Variants in RCAN3 observed in about 807,000 individuals in gnomAD.
RCAN3 encodes calcipressin-3.
A neutral mutation model predicts 21.9 loss-of-function variants in RCAN3; 19 were observed. The observed-to-expected ratio is 0.87, with a 90% CI of 0.61 to 1.27. The LOEUF is 1.27. Among genes scored for constraint, RCAN3 ranks in the 50% most tolerant of loss-of-function variants. The pLI is 0.00. For synonymous variants in RCAN3, 114 were observed against 112.3 expected, an observed-to-expected ratio of 1.01 and a Z score of -0.09; for missense variants, 240 against 300.1, an observed-to-expected ratio of 0.80 and a Z score of 1.48.
At chr1:24,511,279 C>T (rs939550650) in intron 1 of RCAN3, among the ~76,000 whole-genome samples, 4 of 152,162 alleles carry the variant, frequency 2.6e-5, no homozygotes, top group East Asian at 1.9e-4. Flanking sequence ...CACCACTGCA[C>T]TCCAGCCTGG....
In RCAN3 at chr1:24,525,941, A is replaced by C. The variant is rs1327265940; in HGVS notation, c.196-5277A>C. ...GGTTTTGCCTCCAAGTTAATTCTTC[A>C]TGCTTCCAAAGCACCTCACAGCTAG... On this transcript the variant is annotated intron_variant, in intron 2 of 4. Coordinates refer to ENST00000374395, the MANE Select transcript of RCAN3 (RefSeq NM_013441.4). This position sits in a 1 kb window ranked among gnomAD's most constrained non-coding sequence, Gnocchi z 4.1. 6.6e-6 allele frequency among the ~76,000 whole-genome samples: 1 copy of C among 152,134 alleles called. No homozygotes were observed. Among genetic ancestry groups the C allele is most frequent in the African/African-American group, 2.4e-5 (1 of 41,420 alleles).
In RCAN3 at chr1:24,535,074, A is replaced by G; in HGVS notation, c.542-19A>G. 1 of 1,589,746 alleles carries G rather than the reference A, an allele frequency of 6.3e-7. No homozygotes were observed. Among genetic ancestry groups the G allele is most frequent in the East Asian group, 2.3e-5 (1 of 43,264 alleles). Reference sequence around the variant, plus strand: ...TGGAAGTGATGCTTTTGTCATGGTTATTTTGTTTGCCTCTGCAGGAGAGAA... The same window carrying G: ...TGGAAGTGATGCTTTTGTCATGGTTGTTTTGTTTGCCTCTGCAGGAGAGAA... On this transcript the variant is annotated intron_variant, in intron 4 of 4. Coordinates refer to ENST00000374395, the MANE Select transcript of RCAN3 (RefSeq NM_013441.4).
chr1:24,521,524 A>G (rs1430531540), intron 2 of RCAN3, among the ~76,000 whole-genome samples: 3 of 152,178 alleles, frequency 2.0e-5, no homozygotes, highest in Non-Finnish European at 4.4e-5. Flanking sequence ...GCTACCCTCT[A>G]TGGCACAGCT....
Position 24,539,705 on chromosome 1 carries a change from C to T in RCAN3, c.*4428C>T, listed in dbSNP as rs1650407472. 1 of 152,198 alleles carries T rather than the reference C, an allele frequency of 6.6e-6. No homozygotes were observed. Among genetic ancestry groups the T allele is most frequent in the Admixed American group, 6.6e-5 (1 of 15,262 alleles). The allele number at this position is 152,198 out of a possible 1,614,324, so 9.4% of individuals were successfully genotyped here. ...ATTTATTTTAAAAGGGAAAATCTCA[C>T]ACATAATTAAGCAGTGGAAAATGTG... On this transcript the variant is annotated 3_prime_UTR_variant, in exon 5 of 5. Transcript: ENST00000374395.
chr1:24,535,433 T>A lies in RCAN3; in HGVS notation c.*156T>A, dbSNP rs1650164349. 3 of 680,526 alleles carry A rather than the reference T, an allele frequency of 4.4e-6. No individual in the cohort carries two copies. In the East Asian group the frequency reaches 1.0e-4, roughly 23 times the overall value. 42.2% of individuals were successfully genotyped at this position (680,526 alleles called of 1,614,324 possible). ...CGCCTGTACTGCAGACACGGTCGTG[T>A]AGAGTAGCAGCTGATTTGACCTGTC... is the stretch of plus-strand genomic sequence containing the variant. On this transcript the variant is annotated 3_prime_UTR_variant, in exon 5 of 5. Coordinates refer to ENST00000374395, the MANE Select transcript of RCAN3 (RefSeq NM_013441.4).
chr1:24,535,723 A>G lies in RCAN3; in HGVS notation c.*446A>G, dbSNP rs1251800701. ...TGGGTATTTTTCTACTGGTATAAAT[A>G]GCTTCTAATTAATAAATCGATCAAA... On this transcript the variant is annotated 3_prime_UTR_variant, in exon 5 of 5. Transcript: ENST00000374395. The G allele has an allele frequency of 6.5e-6, 1 of 154,424 alleles. No individual in the cohort carries two copies. The highest frequency in any genetic ancestry group is 2.4e-5 in the African/African-American group (1 of 41,564). The allele number at this position is 154,424 out of a possible 1,614,324, so 9.6% of individuals were successfully genotyped here. A position where few individuals can be genotyped will look rare whatever the true frequency, so the allele number is the denominator to read the frequency against.
intron 1 of RCAN3, among the ~76,000 whole-genome samples, chr1:24,510,283 C>T (rs1647770394): frequency 6.6e-6 from 1 of 152,186 alleles, no homozygotes; most frequent in South Asian, 2.1e-4. Context: ...AGCTTTGAAG[C>T]CAGGCATTGA....
intron 2 of RCAN3, among the ~76,000 whole-genome samples, chr1:24,519,215 GT>G (rs60599694): frequency 0.46 from 63,466 of 136,642 alleles, 16,621 homozygotes; most frequent in African/African-American, 0.76. Context: ...CTGGCCTGAT[GT>G]TTTTTTTTTT....
At chr1:24,514,717 C>T in intron 2 of RCAN3, 150 bp downstream of exon 2, 1 of 740,746 alleles carries the variant, frequency 1.3e-6, no homozygotes, top group Non-Finnish European at 2.2e-6. Flanking sequence ...ACCTGTAATC[C>T]CAGCACTTTG....
At chr1:24,511,578 G>A (rs968537182) in intron 1 of RCAN3, among the ~76,000 whole-genome samples, 13 of 152,132 alleles carry the variant, frequency 8.5e-5, no homozygotes, top group African/African-American at 3.1e-4. Context: ...TCTTATATGG[G>A]TGCAGTTCAT....
Position 24,518,349 on chromosome 1 carries a change from G to A in RCAN3, c.195+3782G>A, listed in dbSNP as rs560886841. 1.6e-4 allele frequency among the ~76,000 whole-genome samples: 25 copies of A among 152,274 alleles called. No homozygotes were observed. The South Asian group carries it at 3.1e-3, about 19-fold the overall frequency. On this transcript the variant is annotated intron_variant, in intron 2 of 4. Coordinates refer to ENST00000374395, the MANE Select transcript of RCAN3 (RefSeq NM_013441.4). ...TTTTTATCAATATTTCTTAAAAATAGTGTTGGAGGGATAATAAATCATAGA... is the reference window on the plus strand; with the variant it reads ...TTTTTATCAATATTTCTTAAAAATAATGTTGGAGGGATAATAAATCATAGA...
chr1:24,516,683 C>T (rs1013463274), intron 2 of RCAN3, among the ~76,000 whole-genome samples: 3 of 152,234 alleles, frequency 2.0e-5, no homozygotes, highest in African/African-American at 4.8e-5. Flanking sequence ...GAGCACAGAG[C>T]GGCCATCAGA....
intron 1 of RCAN3, among the ~76,000 whole-genome samples, chr1:24,509,557 T>G (rs1003395930): frequency 2.6e-5 from 4 of 152,244 alleles, no homozygotes; most frequent in Non-Finnish European, 5.9e-5. Flanking sequence ...ATTCAGGTTT[T>G]GTTTGAGATT....
chr1:24,512,348 C>CA (rs11433134), intron 1 of RCAN3, among the ~76,000 whole-genome samples: 51,197 of 141,346 alleles, frequency 0.36, 9,259 homozygotes, highest in East Asian at 0.47. Flanking sequence ...AATTCTGTCT[C>CA]AAAAAAAAAA....
intron 1 of RCAN3, among the ~76,000 whole-genome samples, chr1:24,510,111 G>A (rs186975337): frequency 2.0e-5 from 3 of 152,284 alleles, no homozygotes; most frequent in East Asian, 3.9e-4. Flanking sequence ...ACAGATGTGC[G>A]GTCATCCAGG....
intron 2 of RCAN3, 134 bp from the exon 3 acceptor site, chr1:24,531,084 C>CT (rs1268223157): frequency 3.4e-6 from 2 of 593,364 alleles, no homozygotes; most frequent in Non-Finnish European, 5.5e-6. Flanking sequence ...GAAAAGTATA[C>CT]TTTTTTTGGA....
intron 1 of RCAN3, among the ~76,000 whole-genome samples, chr1:24,503,913 C>T (rs952896212): frequency 6.6e-6 from 1 of 152,364 alleles, no homozygotes; most frequent in Non-Finnish European, 1.5e-5. Context: ...ATTGATTTAT[C>T]TGTAGCTGTG....
rs763470619 is a variant in RCAN3, at chr1:24,535,324, A to G, written c.*47A>G. ...GCGGCTGCCCTGGTGGGCTCTGGCC[A>G]TGGCGCTCTGTGCCTGCGGCCGATG... On this transcript the variant is annotated 3_prime_UTR_variant, in exon 5 of 5. Coordinates refer to ENST00000374395, the MANE Select transcript of RCAN3 (RefSeq NM_013441.4). 5.5e-5 allele frequency: 82 copies of G among 1,492,460 alleles called. No individual in the cohort carries two copies. Among genetic ancestry groups the G allele is most frequent in the Middle Eastern group, 2.2e-4 (1 of 4,582 alleles). 92.5% of individuals were successfully genotyped at this position (1,492,460 alleles called of 1,614,324 possible).
chr1:24,520,439 A>G (rs531742807), intron 2 of RCAN3, among the ~76,000 whole-genome samples: 2 of 152,220 alleles, frequency 1.3e-5, no homozygotes, highest in Non-Finnish European at 2.9e-5. Context: ...ATCCGTATCT[A>G]TGGACTGGAA....
Sources: allele counts gnomAD v4.1 joint callset (sites outside exome capture counted in the v4.1 genomes callset), GRCh38; gene constraint gnomAD v4.1.1; non-coding constraint Gnocchi (gnomAD v3.1); transcripts MANE v1.5; gene names NCBI Gene and HGNC (gene_info 2026-07-23, HGNC 2026-07-21).